The following LMCD1 variants were observed in gnomAD, a reference collection of about 807,000 sequenced individuals.
LMCD1 encodes the protein LIM and cysteine-rich domains protein 1.
LMCD1 carries 32 observed loss-of-function variants against 42.7 expected under a neutral mutation model. That is an observed-to-expected ratio of 0.75 (90% CI 0.57 to 1.01). LMCD1 has a LOEUF of 1.01. Ranked by LOEUF, LMCD1 falls within the 50% of genes least tolerant of loss-of-function variation. The pLI is 0.00. For missense variants in LMCD1, 458 were observed against 483.1 expected (o/e 0.95, Z 0.49); for synonymous variants, 178 against 184.9 (o/e 0.96, Z 0.30).
chr3:8,531,314 G>A (rs888129780), intron 1 of LMCD1, among the ~76,000 whole-genome samples: 9 of 152,006 alleles, frequency 5.9e-5, no homozygotes, highest in Non-Finnish European at 1.5e-5. Flanking sequence ...TTTTCTGCCT[G>A]TCCATCTTGC....
At chr3:8,508,310 AAGCCAAAC>A (rs1245748309) in intron 1 of LMCD1, among the ~76,000 whole-genome samples, 3 of 152,204 alleles carry the variant, frequency 2.0e-5, no homozygotes, top group Non-Finnish European at 2.9e-5. Context: ...AATCATGACC[AAGCCAAAC>A]ATGGCCTGGG....
At chr3:8,513,003 G>C (rs1192939543) in intron 1 of LMCD1, among the ~76,000 whole-genome samples, 4 of 152,182 alleles carry the variant, frequency 2.6e-5, no homozygotes, top group Non-Finnish European at 5.9e-5. Context: ...GAGCTGGGCA[G>C]CTAGTTGCTG....
intron 3 of LMCD1, among the ~76,000 whole-genome samples, chr3:8,544,882 C>A (rs2125029729): frequency 6.6e-6 from 1 of 152,304 alleles, no homozygotes; most frequent in South Asian, 2.1e-4. Context: ...AAATGGTTGT[C>A]CAGGATGAGC....
At chr3:8,563,447 G>A (rs544774126) in intron 4 of LMCD1, among the ~76,000 whole-genome samples, 9 of 152,386 alleles carry the variant, frequency 5.9e-5, no homozygotes, top group Non-Finnish European at 8.8e-5. Context: ...GAATTTATGT[G>A]TGCGGGGCCC....
chr3:8,572,900 T>C lies in LMCD1; in HGVS notation c.*5302T>C, dbSNP rs1449932929. 5 of 152,282 alleles carry C rather than the reference T, an allele frequency of 3.3e-5. No individual in the cohort carries two copies. The East Asian group carries it at 5.8e-4, about 18-fold the overall frequency. 9.4% of individuals were successfully genotyped at this position (152,282 alleles called of 1,614,324 possible). On this transcript the variant is annotated 3_prime_UTR_variant, in exon 6 of 6. Coordinates refer to ENST00000157600, the MANE Select transcript of LMCD1 (RefSeq NM_014583.4). ...GGGTTCCTTCTTAATCTGGCTGTTGTTGTGTTGGAACTCCTGGTACCATCT... is the reference window on the plus strand; with the variant it reads ...GGGTTCCTTCTTAATCTGGCTGTTGCTGTGTTGGAACTCCTGGTACCATCT...
intron 4 of LMCD1, among the ~76,000 whole-genome samples, chr3:8,560,449 T>G (rs912260802): frequency 1.3e-5 from 2 of 151,880 alleles, no homozygotes; most frequent in African/African-American, 2.4e-5. Flanking sequence ...TTTCTATCCC[T>G]CTCCCTTTCC....
Position 8,569,658 on chromosome 3 carries a change from G to C in LMCD1, c.*2060G>C, listed in dbSNP as rs4686268. 0.33 allele frequency: 49,718 copies of C among 152,110 alleles called. 8,773 individuals are homozygous for C. Among genetic ancestry groups the C allele is most frequent in the Admixed American group, 0.41 (6,252 of 15,284 alleles). 9.4% of individuals were successfully genotyped at this position (152,110 alleles called of 1,614,324 possible). ...TGTAAACTGGACTTAGGAATATCGA[G>C]AGAGGTGCCCCTGGGAAAGTGATGC... On this transcript the variant is annotated 3_prime_UTR_variant, in exon 6 of 6. Coordinates refer to ENST00000157600, the MANE Select transcript of LMCD1 (RefSeq NM_014583.4).
intron 4 of LMCD1, among the ~76,000 whole-genome samples, chr3:8,558,849 C>G (rs1240701822): frequency 6.6e-6 from 1 of 152,182 alleles, no homozygotes; most frequent in Non-Finnish European, 1.5e-5. Flanking sequence ...AACAGCGGTT[C>G]TCAAAGTGTG....
At chr3:8,558,220 A>G (rs768061613) in intron 4 of LMCD1, among the ~76,000 whole-genome samples, 12 of 152,264 alleles carry the variant, frequency 7.9e-5, no homozygotes, top group Admixed American at 2.0e-4. Flanking sequence ...AGGGTATCCA[A>G]GAAATTTGCC....
intron 4 of LMCD1, among the ~76,000 whole-genome samples, chr3:8,553,539 G>T (rs1459102287): frequency 1.3e-5 from 2 of 152,192 alleles, no homozygotes; most frequent in African/African-American, 4.8e-5. Flanking sequence ...CAGTTACACA[G>T]ATCTGAACAC....
At chr3:8,519,261 G>A (rs532875998) in intron 1 of LMCD1, among the ~76,000 whole-genome samples, 3 of 152,264 alleles carry the variant, frequency 2.0e-5, no homozygotes, top group African/African-American at 7.2e-5. Context: ...GAGTGTCTGA[G>A]GGATAAATAG....
chr3:8,561,172 A>G (rs542493402), intron 4 of LMCD1, among the ~76,000 whole-genome samples: 25 of 152,354 alleles, frequency 1.6e-4, no homozygotes, highest in African/African-American at 6.0e-4. Context: ...TGGCTGAAAC[A>G]TAGTTGATAC....
At chr3:8,564,437 A>AT (rs1477993288) in intron 4 of LMCD1, among the ~76,000 whole-genome samples, 1 of 151,924 alleles carries the variant, frequency 6.6e-6, no homozygotes, top group African/African-American at 2.4e-5. Context: ...CAACTGGCTA[A>AT]TTTTTCAATT....
chr3:8,543,596 C>T lies in LMCD1; in HGVS notation c.388-4972C>T, dbSNP rs184535360. The stretch of plus-strand genomic sequence containing the variant: ...CTCCTGAGCTCAAGCGATCCTCCCA[C>T]CTCAGCCACTGAAGTAGCCAGGTCT... On this transcript the variant is annotated intron_variant, in intron 3 of 5. Transcript: ENST00000157600. 2.6e-5 allele frequency among the ~76,000 whole-genome samples: 4 copies of T among 152,298 alleles called. No individual in the cohort carries two copies. In the East Asian group the frequency reaches 7.7e-4, roughly 29 times the overall value.
intron 4 of LMCD1, among the ~76,000 whole-genome samples, chr3:8,555,539 G>T (rs1020874376): frequency 6.6e-6 from 1 of 152,124 alleles, no homozygotes; most frequent in Non-Finnish European, 1.5e-5. Context: ...GGGGGCAGCC[G>T]CAAAATCACT....
rs767644506 is a variant in LMCD1, at chr3:8,565,469, G to A, written c.761G>A (p.Ser254Asn). Residue 254 changes from serine to asparagine, a missense_variant, in exon 5 of 6, where the codon AGC becomes AAC. Ser to Asn is a conservative substitution (Grantham distance 46, BLOSUM62 1). Transcript: ENST00000157600. ...ELCKGAAPPD[S>N]PVVYSDRAGY... ...TGCAAGGGAGCGGCCCCTCCTGACA[G>A]CCCCGTGGTCTACTCGGACAGGGCA... 11 of 1,614,072 alleles carry A rather than the reference G, an allele frequency of 6.8e-6. No homozygotes were observed. Among genetic ancestry groups the A allele is most frequent in the Non-Finnish European group, 9.3e-6 (11 of 1,180,040 alleles).
chr3:8,524,513 T>C (rs1694262409), intron 1 of LMCD1, among the ~76,000 whole-genome samples: 1 of 152,230 alleles, frequency 6.6e-6, no homozygotes, highest in Non-Finnish European at 1.5e-5. Flanking sequence ...CCAGGGCTGA[T>C]GCTGAAATGA....
At chr3:8,527,585 C>A (rs1314844858) in intron 1 of LMCD1, among the ~76,000 whole-genome samples, 1 of 152,142 alleles carries the variant, frequency 6.6e-6, no homozygotes, top group African/African-American at 2.4e-5. Flanking sequence ...CCCAGAACCC[C>A]TAGGGAAGGG....
rs191729728 is a variant in LMCD1, at chr3:8,541,874, G to A, written c.387+4434G>A. ...AAGAGGGATTCTGAGGGCTTGATTA[G>A]CAACGTTTGTGAATAGGGAGCAGTG... is the stretch of plus-strand genomic sequence containing the variant. On this transcript the variant is annotated intron_variant, in intron 3 of 5. Transcript: ENST00000157600. Among the ~76,000 whole-genome samples the A allele has an allele frequency of 3.2e-4, 49 of 152,270 alleles. 1 individual carries two copies. In the East Asian group the frequency reaches 9.1e-3, roughly 28 times the overall value.
Sources: allele counts gnomAD v4.1 joint callset (sites outside exome capture counted in the v4.1 genomes callset), GRCh38; gene constraint gnomAD v4.1.1; transcripts MANE v1.5; gene names NCBI Gene and HGNC (gene_info 2026-07-23, HGNC 2026-07-21).